Variants in NUP35 observed in about 807,000 individuals in gnomAD.
The protein encoded by NUP35 is nucleoporin 35.
NUP35 carries 25 observed loss-of-function variants against 41.5 expected under a neutral mutation model. The observed-to-expected ratio is 0.60, with a 90% CI of 0.44 to 0.84. The LOEUF (loss-of-function observed/expected upper bound fraction) is 0.84. Ranked by LOEUF, NUP35 falls within the 40% of genes least tolerant of loss-of-function variation. NUP35 has a pLI of 0.00. For synonymous variants in NUP35, 149 were observed against 130.7 expected, an observed-to-expected ratio of 1.14 and a Z score of -0.96; for missense variants, 396 against 396.6, an observed-to-expected ratio of 1.00 and a Z score of 0.01.
At chr2:183,144,915 GTTTTAT>G (rs1685225351) in intron 4 of NUP35, among the ~76,000 whole-genome samples, 1 of 152,110 alleles carries the variant, frequency 6.6e-6, no homozygotes, top group African/African-American at 2.4e-5. Context: ...TTTTTGATTT[GTTTTAT>G]TTTTAAAGGT....
At chr2:183,133,687 T>A (rs1684779101) in intron 4 of NUP35, 64 bp downstream of exon 4, 1 of 1,125,386 alleles carries the variant, frequency 8.9e-7, no homozygotes, top group Admixed American at 2.8e-5. Context: ...CTACCCACGC[T>A]GGAGTGCAGT....
intron 3 of NUP35, among the ~76,000 whole-genome samples, chr2:183,132,441 C>T (rs1004140705): frequency 1.3e-5 from 2 of 151,814 alleles, no homozygotes; most frequent in African/African-American, 4.8e-5. Flanking sequence ...ACCTATAGTC[C>T]CAGGTACTCA....
intron 7 of NUP35, among the ~76,000 whole-genome samples, chr2:183,159,128 A>AT (rs1275200702): frequency 6.6e-6 from 1 of 152,166 alleles, no homozygotes; most frequent in Admixed American, 6.5e-5. Flanking sequence ...CCAGAAGAAT[A>AT]TTTGGGGTAA....
chr2:183,152,110 A>AACACACACACACACAC (rs67798004), intron 5 of NUP35, among the ~76,000 whole-genome samples: 19 of 113,394 alleles, frequency 1.7e-4, no homozygotes, highest in African/African-American at 5.6e-4. Flanking sequence ...AACATTTACA[A>AACACACACACACACAC]ACACACACAC....
intron 4 of NUP35, among the ~76,000 whole-genome samples, chr2:183,144,501 T>TAAAAGACTAG (rs1410090967): frequency 6.6e-6 from 1 of 152,232 alleles, no homozygotes; most frequent in Non-Finnish European, 1.5e-5. Context: ...TTACTAGTCT[T>TAAAAGACTAG]TTAATCTCTT....
chr2:183,128,053 CAG>C (rs1353099441), intron 1 of NUP35, among the ~76,000 whole-genome samples: 1 of 148,306 alleles, frequency 6.7e-6, no homozygotes, highest in African/African-American at 2.5e-5. Flanking sequence ...AGCCTGGTGA[CAG>C]AGTGAGACTC....
At chr2:183,132,042 G>A (rs74918700) in intron 3 of NUP35, among the ~76,000 whole-genome samples, 1 of 151,924 alleles carries the variant, frequency 6.6e-6, no homozygotes, top group African/African-American at 2.4e-5. Flanking sequence ...ATTATTTTTT[G>A]AGACAGGGTC....
chr2:183,132,058 C>T (rs550427374), intron 3 of NUP35, among the ~76,000 whole-genome samples: 29 of 151,996 alleles, frequency 1.9e-4, no homozygotes, highest in Non-Finnish European at 3.2e-4. Flanking sequence ...GGGTCTTGCT[C>T]TATCACCCAG....
At chr2:183,137,267 G>A (rs1176281838) in intron 4 of NUP35, among the ~76,000 whole-genome samples, 2 of 152,138 alleles carry the variant, frequency 1.3e-5, no homozygotes, top group Non-Finnish European at 2.9e-5. Flanking sequence ...GGATGATGAT[G>A]CTTTGTTACA....
At chr2:183,122,927 T>C (rs7569854), upstream of NUP35, among the ~76,000 whole-genome samples, 90,510 of 152,090 alleles carry the variant, frequency 0.6, 29,627 homozygotes, top group East Asian at 0.98. Flanking sequence ...GATGTGATTA[T>C]TAACTTAATC....
intron 8 of NUP35, 138 bp downstream of exon 8, chr2:183,159,790 T>TA: frequency 1.7e-6 from 1 of 594,104 alleles, no homozygotes; most frequent in Non-Finnish European, 2.7e-6. Context: ...CTTTACGCTT[T>TA]AAAAGTTTTC....
intron 4 of NUP35, among the ~76,000 whole-genome samples, chr2:183,134,199 A>G (rs1575117889): frequency 6.6e-6 from 1 of 152,226 alleles, no homozygotes; most frequent in East Asian, 1.9e-4. Context: ...TCATATGTGT[A>G]TAATCCCATC....
chr2:183,129,485 T>C (rs534745946), intron 2 of NUP35, among the ~76,000 whole-genome samples: 2 of 152,320 alleles, frequency 1.3e-5, no homozygotes, highest in African/African-American at 4.8e-5. Flanking sequence ...TTAGGATTTA[T>C]CAGGGAGAAT....
At position 183,126,703 on chromosome 2, in the gene NUP35, A is replaced by G. The variant is rs73038901; in HGVS notation, c.41-1584A>G. On this transcript the variant is annotated intron_variant, in intron 1 of 8. Coordinates refer to ENST00000295119, the MANE Select transcript of NUP35 (RefSeq NM_138285.5). ...ATATCTAGGCCTAATATAATGGGAA[A>G]TAAGAGGAAGACTAAATAGTTGGCA... Among the ~76,000 whole-genome samples, 1,285 of 152,086 alleles carry G rather than the reference A, an allele frequency of 8.4e-3. 19 individuals carry two copies. The highest frequency in any genetic ancestry group is 0.029 in the African/African-American group (1,199 of 41,498).
chr2:183,161,172 A>G lies in NUP35; in HGVS notation c.*41A>G, dbSNP rs1297308935. Reference sequence around the variant, plus strand: ...GAGGTTGCTACACTAAAACAGAGTTAGCAGAGTGCTGCTGGTTCCTTCGGT... The same window carrying G: ...GAGGTTGCTACACTAAAACAGAGTTGGCAGAGTGCTGCTGGTTCCTTCGGT... On this transcript the variant is annotated 3_prime_UTR_variant, in exon 9 of 9. Transcript: ENST00000295119. 2.1e-6 allele frequency: 3 copies of G among 1,452,268 alleles called. No homozygotes were observed. In the South Asian group the frequency reaches 3.5e-5, roughly 17 times the overall value. 90.0% of individuals were successfully genotyped at this position (1,452,268 alleles called of 1,614,324 possible).
rs1196159891 is a variant in NUP35, at chr2:183,134,397, AG to A, written c.397+781del. ...TGTGGAGGAAAAAATTAAGCAGCAA[AG>A]GGGGGGAGGGGGTAGAGACTTAGAG... On this transcript the variant is annotated intron_variant, in intron 4 of 8. Transcript: ENST00000295119. Among the ~76,000 whole-genome samples the A allele has an allele frequency of 6.6e-5, 10 of 151,994 alleles. No individual in the cohort carries two copies. In the East Asian group the frequency reaches 1.9e-3, roughly 29 times the overall value.
At chr2:183,140,051 C>T (rs1685031565) in intron 4 of NUP35, among the ~76,000 whole-genome samples, 1 of 152,132 alleles carries the variant, frequency 6.6e-6, no homozygotes, top group African/African-American at 2.4e-5. Context: ...TAAAAACTAT[C>T]CTTATTCTAG....
upstream of NUP35, among the ~76,000 whole-genome samples, chr2:183,122,781 T>C (rs1238279588): frequency 6.6e-6 from 1 of 152,224 alleles, no homozygotes; most frequent in African/African-American, 2.4e-5. Flanking sequence ...ATTTATACAT[T>C]GATATACCTT....
intron 3 of NUP35, 75 bp from the exon 4 acceptor site, chr2:183,133,491 T>G (rs887932772): frequency 2.6e-5 from 31 of 1,184,962 alleles, no homozygotes; most frequent in African/African-American, 3.1e-5. Context: ...CAGTTATCCA[T>G]TGAATGAAGC....
Sources: allele counts gnomAD v4.1 joint callset (sites outside exome capture counted in the v4.1 genomes callset), GRCh38; gene constraint gnomAD v4.1.1; transcripts MANE v1.5; gene names NCBI Gene and HGNC (gene_info 2026-07-23, HGNC 2026-07-21).